Variants in SUPT5H observed in about 807,000 individuals in gnomAD.
SUPT5H encodes the protein SPT5 homolog, DSIF elongation factor subunit.
SUPT5H carries 24 observed loss-of-function variants against 142.5 expected under a neutral mutation model. That is an observed-to-expected ratio of 0.17 (90% confidence interval 0.12 to 0.24). The LOEUF is 0.24. Among genes scored for constraint, SUPT5H ranks in the 10% least tolerant of loss-of-function variants. The pLI is 1.00. For missense variants in SUPT5H, 893 were observed against 1,471.8 expected (o/e 0.61, Z 6.43); for synonymous variants, 546 against 553.0 (o/e 0.99, Z 0.18).
At chr19:39,467,482 G>GT (rs2079258049) in intron 13 of SUPT5H, 1 of 152,246 alleles carries the variant, frequency 6.6e-6, no homozygotes, top group Non-Finnish European at 1.5e-5. Flanking sequence ...TTGGCACGTA[G>GT]TAAGTGTGAT....
chr19:39,470,550 G>T lies in SUPT5H; in HGVS notation c.1677+27G>T, dbSNP rs780029887. The T allele has an allele frequency of 6.7e-7, 1 of 1,490,872 alleles. No individual in the cohort carries two copies. The allele number at this position is 1,490,872 out of a possible 1,614,324, so 92.4% of individuals were successfully genotyped here. On this transcript the variant is annotated intron_variant, in intron 18 of 29. Transcript: ENST00000432763. The surrounding 1 kb of genome is among the most constrained non-coding windows in gnomAD (Gnocchi z 5.8). Reference sequence around the variant, plus strand: ...TGTGTGTGTTGTGCTCTGTGGCGGGGACTTGCTTTTAGGAGGCTTCCTGTC... The same window carrying T: ...TGTGTGTGTTGTGCTCTGTGGCGGGTACTTGCTTTTAGGAGGCTTCCTGTC...
At chr19:39,461,869 G>A (rs2079167782) in intron 10 of SUPT5H, among the ~76,000 whole-genome samples, 1 of 151,306 alleles carries the variant, frequency 6.6e-6, no homozygotes, top group East Asian at 1.9e-4. Flanking sequence ...AAAGAAGTGT[G>A]CTCAAATCCT....
chr19:39,471,894 C>G lies in SUPT5H; in HGVS notation c.1950+164C>G, dbSNP rs1384385845. 9.7e-6 allele frequency: 10 copies of G among 1,031,080 alleles called. No individual in the cohort carries two copies. In the East Asian group the frequency reaches 2.7e-4, roughly 28 times the overall value. 63.9% of individuals were successfully genotyped at this position (1,031,080 alleles called of 1,614,324 possible). A position where few individuals can be genotyped will look rare whatever the true frequency, so the allele number is the denominator to read the frequency against. ...GAGAAGGTTTATTTGGGATTCTGAG[C>G]TGTTCACCAAGTTATTTTAAGTTAT... On this transcript the variant is annotated intron_variant, in intron 20 of 29. Coordinates refer to ENST00000432763, the MANE Select transcript of SUPT5H (RefSeq NM_001111020.3).
Position 39,473,113 on chromosome 19 carries a change from G to C in SUPT5H, c.2257G>C (p.Val753Leu), listed in dbSNP as rs768271888. The C allele has an allele frequency of 2.5e-6, 4 of 1,613,090 alleles. No individual in the cohort carries two copies. Among genetic ancestry groups the C allele is most frequent in the African/African-American group, 1.3e-5 (1 of 74,906 alleles). Residue 753 changes from valine to leucine, a missense_variant and splice_region_variant, in exon 23 of 30, where the codon GTG becomes CTG. Val to Leu is a conservative substitution (Grantham distance 32). Coordinates refer to ENST00000432763, the MANE Select transcript of SUPT5H (RefSeq NM_001111020.3). This position sits in a 1 kb window ranked among gnomAD's most constrained non-coding sequence, Gnocchi z 5.8. ...TGTGGACCGTCAGCGGCTCACCACG[G>C]TGTACGGGCGGGGCCTGGGGAGGGC... ...ISVDRQRLTT[V>L]GSRRPGGMTS...
At chr19:39,447,013 A>G (rs1389900523) in intron 2 of SUPT5H, among the ~76,000 whole-genome samples, 1 of 151,684 alleles carries the variant, frequency 6.6e-6, no homozygotes, top group Non-Finnish European at 1.5e-5. Context: ...TCTTATAAAA[A>G]TATTAGCTGA....
Position 39,474,757 on chromosome 19 carries a change from C to T in SUPT5H, c.3024+39C>T. 4 of 1,565,912 alleles carry T rather than the reference C, an allele frequency of 2.6e-6. No individual in the cohort carries two copies. The highest frequency in any genetic ancestry group is 3.5e-6 in the Non-Finnish European group (4 of 1,154,180). The stretch of plus-strand genomic sequence containing the variant: ...AGGGTGGTGGGTGAGCAGGCATCCT[C>T]TCCTTGGTACCCCCTAAACTGGAGA... On this transcript the variant is annotated intron_variant, in intron 28 of 29. Coordinates refer to ENST00000432763, the MANE Select transcript of SUPT5H (RefSeq NM_001111020.3). This position sits in a 1 kb window ranked among gnomAD's most constrained non-coding sequence, Gnocchi z 6.5.
rs772382524 is a variant in SUPT5H at position 39,458,973 on chromosome 19, A to G, written c.390-32A>G. Reference sequence around the variant, plus strand: ...AGCCCACCTGCTGTCCTCAACCTTCAATTCGTGTTTGCTTCCCCACTCGTG... The same window carrying G: ...AGCCCACCTGCTGTCCTCAACCTTCGATTCGTGTTTGCTTCCCCACTCGTG... On this transcript the variant is annotated intron_variant, in intron 6 of 29. Transcript: ENST00000432763. The surrounding 1 kb of genome is among the most constrained non-coding windows in gnomAD (Gnocchi z 4.2). The G allele has an allele frequency of 1.6e-5, 26 of 1,614,018 alleles. No homozygotes were observed. Among genetic ancestry groups the G allele is most frequent in the Middle Eastern group, 1.6e-4 (1 of 6,062 alleles).
Position 39,476,489 on chromosome 19 carries a change from G to A in SUPT5H, c.*90G>A, listed in dbSNP as rs895202264. Reference sequence around the variant, plus strand: ...CTGTGACACAAGATCCTCCTGCAGGGCTAGGCGGATTGTTCTGGATTTCCT... The same window carrying A: ...CTGTGACACAAGATCCTCCTGCAGGACTAGGCGGATTGTTCTGGATTTCCT... On this transcript the variant is annotated 3_prime_UTR_variant, in exon 30 of 30. Coordinates refer to ENST00000432763, the MANE Select transcript of SUPT5H (RefSeq NM_001111020.3). The A allele has an allele frequency of 2.0e-6, 3 of 1,500,600 alleles. No individual in the cohort carries two copies. Among genetic ancestry groups the A allele is most frequent in the Non-Finnish European group, 9.1e-7 (1 of 1,095,632 alleles). 93.0% of individuals were successfully genotyped at this position (1,500,600 alleles called of 1,614,324 possible).
chr19:39,451,120 T>C lies in SUPT5H; in HGVS notation c.76-2236T>C, dbSNP rs574079999. Among the ~76,000 whole-genome samples, 234 of 152,144 alleles carry C rather than the reference T, an allele frequency of 1.5e-3. 1 individual carries two copies. Among genetic ancestry groups the C allele is most frequent in the African/African-American group, 5.3e-3 (218 of 41,498 alleles). On this transcript the variant is annotated intron_variant, in intron 2 of 29. Transcript: ENST00000432763. ...TTTTTTTTTTTTGATTTTGTAATAT[T>C]TGCTGTGGAGCGTTCCCTAATCTGA...
intron 2 of SUPT5H, among the ~76,000 whole-genome samples, chr19:39,447,450 CTTTT>C (rs59007555): frequency 1.5e-5 from 2 of 132,044 alleles, no homozygotes; most frequent in Admixed American, 7.8e-5. Context: ...TTGCCATTAT[CTTTT>C]TTTTTTTTTT....
chr19:39,446,098 A>G, intron 2 of SUPT5H, 133 bp downstream of exon 2: 1 of 1,024,988 alleles, frequency 9.8e-7, no homozygotes, highest in East Asian at 2.6e-5. Context: ...CTCAAGAGAT[A>G]GAGAATTAGG....
rs2079125700 is a variant in SUPT5H, at chr19:39,458,955, C to A, written c.390-50C>A. On this transcript the variant is annotated intron_variant, in intron 6 of 29. Transcript: ENST00000432763. The surrounding 1 kb of genome is among the most constrained non-coding windows in gnomAD (Gnocchi z 4.2). ...GAGATTTGGGAGTAGGTCAGCCCAC[C>A]TGCTGTCCTCAACCTTCAATTCGTG... 6.2e-7 allele frequency: 1 copy of A among 1,613,560 alleles called. No individual in the cohort carries two copies. Among genetic ancestry groups the A allele is most frequent in the East Asian group, 2.2e-5 (1 of 44,898 alleles).
At position 39,470,334 on chromosome 19, in the gene SUPT5H, A is replaced by G; in HGVS notation, c.1531-43A>G. On this transcript the variant is annotated intron_variant, in intron 17 of 29. Coordinates refer to ENST00000432763, the MANE Select transcript of SUPT5H (RefSeq NM_001111020.3). This position sits in a 1 kb window ranked among gnomAD's most constrained non-coding sequence, Gnocchi z 5.8. ...TGCCAAGAGGAGACCCAGGTAGGCG[A>G]GCCACCTGGACTGGGCCTCACCCCT... 1 of 1,542,664 alleles carries G rather than the reference A, an allele frequency of 6.5e-7. No individual in the cohort carries two copies. Among genetic ancestry groups the G allele is most frequent in the African/African-American group, 1.4e-5 (1 of 73,084 alleles).
intron 8 of SUPT5H, 123 bp downstream of exon 8, chr19:39,459,372 G>C: frequency 7.3e-7 from 1 of 1,368,574 alleles, no homozygotes; most frequent in East Asian, 2.4e-5. Context: ...GTGGTGGATG[G>C]CAGGGGTAGG....
chr19:39,458,559 G>C lies in SUPT5H; in HGVS notation c.319+254G>C. 1.3e-6 allele frequency: 1 copy of C among 759,624 alleles called. No individual in the cohort carries two copies. Among genetic ancestry groups the C allele is most frequent in the Non-Finnish European group, 2.1e-6 (1 of 473,730 alleles). The allele number at this position is 759,624 out of a possible 1,614,324, so 47.1% of individuals were successfully genotyped here. A position where few individuals can be genotyped will look rare whatever the true frequency, so the allele number is the denominator to read the frequency against. ...GTAGCGATGTGTGGGGTGGGGTGCA[G>C]TCCAGGGTGTGCCTGGACTTTGAGA... On this transcript the variant is annotated intron_variant, in intron 5 of 29. Transcript: ENST00000432763. The surrounding 1 kb of genome is among the most constrained non-coding windows in gnomAD (Gnocchi z 4.2).
chr19:39,461,946 T>C (rs2079168777), intron 10 of SUPT5H, among the ~76,000 whole-genome samples: 2 of 152,170 alleles, frequency 1.3e-5, no homozygotes, highest in African/African-American at 4.8e-5. Flanking sequence ...TTATTATTTT[T>C]TTTTGAGACG....
In SUPT5H at chr19:39,475,393, C is replaced by CA. The variant is rs57598754; in HGVS notation, c.3025-675dup. Among the ~76,000 whole-genome samples, 325 of 132,882 alleles carry CA rather than the reference C, an allele frequency of 2.4e-3. 7 individuals carry two copies. The highest frequency in any genetic ancestry group is 9.7e-3 in the South Asian group (39 of 4,006). The allele number at this position is 132,882 out of a possible 152,430, so 87.2% of individuals were successfully genotyped here. A position where few individuals can be genotyped will look rare whatever the true frequency, so the allele number is the denominator to read the frequency against. On this transcript the variant is annotated intron_variant, in intron 28 of 29. Coordinates refer to ENST00000432763, the MANE Select transcript of SUPT5H (RefSeq NM_001111020.3). ...GTCTGGGTGACAGAGCAAGACTCCT[C>CA]AAAAAAAAAAAAATGGTGAGTGATG...
intron 28 of SUPT5H, chr19:39,475,820 TGGGA>T: frequency 4.5e-5 from 22 of 491,768 alleles, no homozygotes; most frequent in South Asian, 1.8e-4. Context: ...GAGGCCAGTT[TGGGA>T]CATGAAGAGT....
chr19:39,459,928 C>T lies in SUPT5H; in HGVS notation c.592C>T (p.Arg198Cys), dbSNP rs190306198. Residue 198 changes from arginine to cysteine, a missense_variant, in exon 10 of 30, where the codon CGC becomes TGC. Physicochemically the swap from Arg to Cys is radical, Grantham distance 180 (BLOSUM62 -3). Around this residue, in one of 6 missense-constraint regions of SUPT5H, gnomAD observed 428 missense variants for 763.5 expected, o/e 0.56. Transcript: ENST00000432763. ...EERATAISLMRKFIAYQFTDT... is the reference protein window; with the variant it reads ...EERATAISLMCKFIAYQFTDT... ...ACGGGCCACGGCCATTTCCTTGATG[C>T]GCAAGTTCATTGCCTACCAGTTCAC... is the stretch of plus-strand genomic sequence containing the variant. 1.6e-5 allele frequency: 26 copies of T among 1,614,130 alleles called. No individual in the cohort carries two copies. Among genetic ancestry groups the T allele is most frequent in the Admixed American group, 1.5e-4 (9 of 60,010 alleles).
Sources: gnomAD v4.1 joint callset for allele counts (sites outside exome capture counted in the v4.1 genomes callset) on GRCh38, gnomAD v4.1.1 for gene constraint, gnomAD v4.1.1 regional missense constraint, Gnocchi (gnomAD v3.1) non-coding constraint, MANE v1.5 for transcripts, NCBI Gene and HGNC (gene_info 2026-07-23, HGNC 2026-07-21) for gene names.